Variants in LIMA1 observed in about 807,000 individuals in gnomAD.
The protein encoded by LIMA1 is LIM domain and actin binding 1.
A neutral mutation model predicts 62.6 loss-of-function variants in LIMA1; 52 were observed. The observed-to-expected ratio is 0.83, with a 90% confidence interval of 0.67 to 1.05. The LOEUF (loss-of-function observed/expected upper bound fraction) is 1.05, where lower values mean the gene tolerates loss of function less well. Ranked by LOEUF, LIMA1 falls within the 50% of genes least tolerant of loss-of-function variation. The probability of loss-of-function intolerance (pLI) is 0.00; values close to 1 mark genes in which losing one functional copy is unlikely to be tolerated. For synonymous variants in LIMA1, 302 were observed against 317.8 expected (o/e 0.95, Z 0.53); for missense variants, 780 against 902.2 (o/e 0.86, Z 1.74).
chr12:50,251,311 G>T lies in LIMA1; in HGVS notation c.-23-2537C>A, dbSNP rs143043271. ...TAAAGATCAACTCTGGATCAAAGGG[G>T]AAAAAATATATACAAGATACATTTG... On this transcript the variant is annotated intron_variant, in intron 1 of 10. Coordinates refer to ENST00000341247, the MANE Select transcript of LIMA1 (RefSeq NM_016357.5). Among the ~76,000 whole-genome samples, 576 of 152,136 alleles carry T rather than the reference G, an allele frequency of 3.8e-3. 3 individuals are homozygous for T. The highest frequency in any genetic ancestry group is 0.013 in the African/African-American group (540 of 41,518).
intron 7 of LIMA1, 28 bp from the exon 8 acceptor site, chr12:50,195,915 TAGAG>T (rs775976293): frequency 3.7e-6 from 5 of 1,367,356 alleles, no homozygotes; most frequent in Non-Finnish European, 5.0e-6. Context: ...AAAAAAAAGT[TAGAG>T]GGGGATTAAG....
At chr12:50,222,648 A>C (rs1053520767) in intron 3 of LIMA1, 163 bp from the exon 4 acceptor site, 1 of 1,528,842 alleles carries the variant, frequency 6.5e-7, no homozygotes, top group Admixed American at 2.0e-5. Flanking sequence ...GAAAGCATCC[A>C]CCCGGCAGAG....
At chr12:50,231,970 G>C (rs1165595542) in intron 2 of LIMA1, among the ~76,000 whole-genome samples, 1 of 149,046 alleles carries the variant, frequency 6.7e-6, no homozygotes, top group Non-Finnish European at 1.5e-5. Context: ...GTTTTACCAT[G>C]TTGGCCAGGC....
intron 1 of LIMA1, among the ~76,000 whole-genome samples, chr12:50,261,077 G>A (rs1485028155): frequency 6.0e-5 from 4 of 67,188 alleles, no homozygotes; most frequent in African/African-American, 2.4e-4. Context: ...TTTTGAGATG[G>A]AGTCTCGCTC....
chr12:50,218,818 G>T (rs1428242647), intron 4 of LIMA1, among the ~76,000 whole-genome samples: 1 of 150,724 alleles, frequency 6.6e-6, no homozygotes, highest in African/African-American at 2.4e-5. Flanking sequence ...GAGGCAGAGG[G>T]GTCAAGGCTG....
chr12:50,209,951 C>T (rs1162597302), intron 4 of LIMA1, among the ~76,000 whole-genome samples: 1 of 152,196 alleles, frequency 6.6e-6, no homozygotes, highest in Admixed American at 6.5e-5. Context: ...GCGTAAGCCA[C>T]CGCGCCTGGC....
intron 2 of LIMA1, chr12:50,234,169 G>T (rs1203932298): frequency 2.3e-6 from 1 of 437,986 alleles, no homozygotes; most frequent in Non-Finnish European, 4.6e-6. Flanking sequence ...GGAGATTTGT[G>T]CAGGTACAAG....
chr12:50,184,717 G>A (rs1231214397), intron 9 of LIMA1, among the ~76,000 whole-genome samples: 2 of 152,202 alleles, frequency 1.3e-5, no homozygotes, highest in African/African-American at 4.8e-5. Context: ...GGATGCTACT[G>A]GAGAGAGCCT....
intron 2 of LIMA1, among the ~76,000 whole-genome samples, chr12:50,241,344 T>C (rs1324685748): frequency 3.3e-5 from 5 of 152,114 alleles, no homozygotes; most frequent in African/African-American, 1.2e-4. Flanking sequence ...AATAATACAA[T>C]ATATGAAAAC....
chr12:50,192,392 T>C, intron 9 of LIMA1, 60 bp downstream of exon 9: 1 of 1,128,918 alleles, frequency 8.9e-7, no homozygotes, highest in Non-Finnish European at 1.4e-6. Context: ...TCATAAAAGG[T>C]ACAATTAGCT....
chr12:50,236,085 A>G (rs987710464), intron 2 of LIMA1, among the ~76,000 whole-genome samples: 1 of 151,842 alleles, frequency 6.6e-6, no homozygotes, highest in Non-Finnish European at 1.5e-5. Flanking sequence ...GAATCGCCTG[A>G]ACCCGGGAGG....
intron 1 of LIMA1, among the ~76,000 whole-genome samples, chr12:50,273,116 G>A (rs1384293383): frequency 6.6e-6 from 1 of 151,344 alleles, no homozygotes; most frequent in Non-Finnish European, 1.5e-5. Context: ...CTCTCTCCCA[G>A]GCTAATTTTT....
At chr12:50,268,134 T>A (rs1942162134) in intron 1 of LIMA1, among the ~76,000 whole-genome samples, 1 of 152,106 alleles carries the variant, frequency 6.6e-6, no homozygotes, top group Non-Finnish European at 1.5e-5. Flanking sequence ...TAATATTCTT[T>A]CCAAACAAAA....
intron 3 of LIMA1, among the ~76,000 whole-genome samples, chr12:50,228,876 G>A (rs1445574777): frequency 6.6e-6 from 1 of 152,108 alleles, no homozygotes; most frequent in Non-Finnish European, 1.5e-5. Flanking sequence ...AAACATTGTT[G>A]CTATTCTTTT....
chr12:50,278,347 G>A lies in LIMA1; in HGVS notation c.-24+5073C>T, dbSNP rs776188980. ...TGAGGCAGGAGAATGGCATGAACCC[G>A]GGACGTGGAGCTTGCAGTGAGCAGA... On this transcript the variant is annotated intron_variant, in intron 1 of 10. Transcript: ENST00000341247. Among the ~76,000 whole-genome samples, 41 of 152,116 alleles carry A rather than the reference G, an allele frequency of 2.7e-4. 1 individual carries two copies. Among genetic ancestry groups the A allele is most frequent in the African/African-American group, 1.2e-4 (5 of 41,422 alleles).
intron 2 of LIMA1, among the ~76,000 whole-genome samples, chr12:50,232,570 T>C (rs903849815): frequency 1.3e-5 from 2 of 150,278 alleles, no homozygotes; most frequent in Non-Finnish European, 3.0e-5. Flanking sequence ...GGTTTCACCA[T>C]GTTGACCAGG....
intron 7 of LIMA1, among the ~76,000 whole-genome samples, chr12:50,196,939 G>GA (rs1452496794): frequency 6.6e-6 from 1 of 152,118 alleles, no homozygotes; most frequent in Non-Finnish European, 1.5e-5. Flanking sequence ...CTAATGATAT[G>GA]AAATAAATTT....
intron 4 of LIMA1, chr12:50,220,402 C>A (rs2138549663): frequency 6.6e-6 from 1 of 152,224 alleles, no homozygotes; most frequent in South Asian, 2.1e-4. Flanking sequence ...CTCCAAGCAG[C>A]CTTAGGGAGA....
At chr12:50,245,152 C>T (rs1247630199) in intron 2 of LIMA1, among the ~76,000 whole-genome samples, 3 of 152,110 alleles carry the variant, frequency 2.0e-5, no homozygotes, top group Admixed American at 2.0e-4. Context: ...CAGTGGTTCA[C>T]ACCTGTAATC....
Sources: gnomAD v4.1 joint callset for allele counts (sites outside exome capture counted in the v4.1 genomes callset) on GRCh38, gnomAD v4.1.1 for gene constraint, MANE v1.5 for transcripts, NCBI Gene and HGNC (gene_info 2026-07-23, HGNC 2026-07-21) for gene names.